Variants in AIMP2 observed in about 807,000 individuals in gnomAD.
AIMP2 encodes the protein aminoacyl tRNA synthase complex-interacting multifunctional protein 2.
Under a neutral mutation model 23.4 loss-of-function variants are expected in AIMP2, and 20 were observed. The observed-to-expected ratio is 0.85, with a 90% CI of 0.60 to 1.24. The LOEUF is 1.24. Among genes scored for constraint, AIMP2 ranks in the 50% most tolerant of loss-of-function variants. The pLI is 0.00. For missense variants in AIMP2, 515 were observed against 414.5 expected, an observed-to-expected ratio of 1.24 and a Z score of -2.10; for synonymous variants, 210 against 170.4, an observed-to-expected ratio of 1.23 and a Z score of -1.81.
At chr7:6,009,559 C>G in intron 1 of AIMP2, 61 bp downstream of exon 1, 15 of 1,345,322 alleles carry the variant, frequency 1.1e-5, no homozygotes, top group South Asian at 5.7e-5. Flanking sequence ...TGGCCCGGGT[C>G]CCCCCAGGCC....
At chr7:6,014,976 T>A (rs1786929175) in intron 1 of AIMP2, 170 bp from the exon 2 acceptor site, 2 of 1,419,658 alleles carry the variant, frequency 1.4e-6, no homozygotes, top group Non-Finnish European at 9.2e-7. Context: ...TACCTGGACC[T>A]CCCGAAGTGC....
At chr7:6,014,548 C>T (rs1198234306) in intron 1 of AIMP2, among the ~76,000 whole-genome samples, 5 of 151,926 alleles carry the variant, frequency 3.3e-5, no homozygotes, top group Admixed American at 3.3e-4. Flanking sequence ...GTATGAGCCA[C>T]CGCACCTGGC....
At position 6,017,804 on chromosome 7, in the gene AIMP2, C is replaced by G. The variant is rs1787113114; in HGVS notation, c.343-10C>G. 1 of 1,610,048 alleles carries G rather than the reference C, an allele frequency of 6.2e-7. No homozygotes were observed. Among genetic ancestry groups the G allele is most frequent in the Non-Finnish European group, 8.5e-7 (1 of 1,177,506 alleles). On this transcript the variant is annotated splice_polypyrimidine_tract_variant and intron_variant, in intron 2 of 3. Coordinates refer to ENST00000223029, the MANE Select transcript of AIMP2 (RefSeq NM_006303.4). Reference sequence around the variant, plus strand: ...ACTGTTATTCGTACATTGTCTTGGTCTTTCCCCAGGATTACGGGGCGCTGA... The same window carrying G: ...ACTGTTATTCGTACATTGTCTTGGTGTTTCCCCAGGATTACGGGGCGCTGA...
intron 3 of AIMP2, among the ~76,000 whole-genome samples, chr7:6,019,324 CAA>C (rs533394724): frequency 0.027 from 3,761 of 141,686 alleles, 140 homozygotes; most frequent in African/African-American, 0.09. Context: ...CTAAAAAATA[CAA>C]AAAAAAAAAT....
intron 3 of AIMP2, among the ~76,000 whole-genome samples, chr7:6,018,910 A>G (rs1200114659): frequency 6.6e-6 from 1 of 152,058 alleles, no homozygotes; most frequent in Non-Finnish European, 1.5e-5. Flanking sequence ...CTAGTCTATT[A>G]TTTACATACA....
intron 2 of AIMP2, among the ~76,000 whole-genome samples, chr7:6,017,439 C>G (rs1255210168): frequency 2.0e-5 from 3 of 150,940 alleles, no homozygotes; most frequent in African/African-American, 7.3e-5. Context: ...AGGAGAATCG[C>G]TTGAACCTGT....
chr7:6,017,604 G>T (rs1486720602), intron 2 of AIMP2, among the ~76,000 whole-genome samples: 2 of 152,076 alleles, frequency 1.3e-5, no homozygotes, highest in African/African-American at 4.8e-5. Flanking sequence ...GGGGTAAGGG[G>T]GTGGAGTCCG....
intron 3 of AIMP2, among the ~76,000 whole-genome samples, chr7:6,020,511 C>T (rs1249661078): frequency 6.6e-6 from 1 of 152,124 alleles, no homozygotes; most frequent in African/African-American, 2.4e-5. Flanking sequence ...TTAGAAAAAG[C>T]AAAGTCATTA....
At chr7:6,014,269 T>C (rs1392872321) in intron 1 of AIMP2, among the ~76,000 whole-genome samples, 1 of 144,828 alleles carries the variant, frequency 6.9e-6, no homozygotes, top group Non-Finnish European at 1.5e-5. Context: ...TTTTTTTTTT[T>C]TTTTTTGAGA....
At chr7:6,013,778 T>C (rs1364673618) in intron 1 of AIMP2, among the ~76,000 whole-genome samples, 1 of 152,038 alleles carries the variant, frequency 6.6e-6, no homozygotes, top group East Asian at 1.9e-4. Flanking sequence ...CGCAGTTCTT[T>C]GTCTCTACAA....
chr7:6,020,990 G>C (rs79082179), intron 3 of AIMP2, among the ~76,000 whole-genome samples: 3,848 of 152,224 alleles, frequency 0.025, 142 homozygotes, highest in African/African-American at 0.086. Flanking sequence ...GGACAAGAAC[G>C]CTTTTTCTGG....
chr7:6,022,770 C>T (rs1383778793), intron 3 of AIMP2: 1 of 152,650 alleles, frequency 6.6e-6, no homozygotes, highest in East Asian at 1.9e-4. Flanking sequence ...ATCTTGCCCT[C>T]ACATTCAAGA....
chr7:6,016,008 C>T (rs191015776), intron 2 of AIMP2, among the ~76,000 whole-genome samples: 12 of 152,304 alleles, frequency 7.9e-5, no homozygotes, highest in Admixed American at 7.9e-4. Flanking sequence ...CTTGCTTGCT[C>T]AGTGTTCCCC....
intron 3 of AIMP2, among the ~76,000 whole-genome samples, chr7:6,018,948 AGTTAAAAT>A (rs1787206836): frequency 6.8e-6 from 1 of 145,994 alleles, no homozygotes; most frequent in African/African-American, 2.5e-5. Flanking sequence ...TATTTTAAAA[AGTTAAAAT>A]GTATCAAACC....
chr7:6,023,033 C>G, intron 3 of AIMP2: 3 of 373,574 alleles, frequency 8.0e-6, no homozygotes, highest in Non-Finnish European at 1.4e-5. Context: ...GGGATTGGAG[C>G]AGGTGGTCTG....
chr7:6,015,049 T>C (rs1786934216), intron 1 of AIMP2, 97 bp from the exon 2 acceptor site: 1 of 1,572,676 alleles, frequency 6.4e-7, no homozygotes, highest in Admixed American at 1.7e-5. Flanking sequence ...GGGTGGGAGG[T>C]TTGGTGAGTG....
intron 1 of AIMP2, 150 bp downstream of exon 1, chr7:6,009,648 A>T: frequency 1.5e-6 from 1 of 671,950 alleles, no homozygotes; most frequent in South Asian, 4.6e-5. Flanking sequence ...TCAGACTTTT[A>T]TGTTTTAAAA....
intron 2 of AIMP2, among the ~76,000 whole-genome samples, 158 bp downstream of exon 2, chr7:6,015,510 G>C (rs780962354): frequency 2.0e-5 from 3 of 151,886 alleles, no homozygotes; most frequent in Non-Finnish European, 4.4e-5. Context: ...AGATCATGAG[G>C]TCAGGAGATC....
chr7:6,022,499 A>T (rs922464168), intron 3 of AIMP2: 7 of 152,140 alleles, frequency 4.6e-5, no homozygotes, highest in Admixed American at 6.6e-5. Context: ...CATGGTTTTG[A>T]TAAGAGGCAG....
Sources: allele counts gnomAD v4.1 joint callset (sites outside exome capture counted in the v4.1 genomes callset), GRCh38; gene constraint gnomAD v4.1.1; transcripts MANE v1.5; gene names NCBI Gene and HGNC (gene_info 2026-07-23, HGNC 2026-07-21).